Variants in DNAAF1 observed in about 807,000 individuals in gnomAD.
DNAAF1 encodes the protein dynein axonemal assembly factor 1, also known as dynein assembly factor 1, axonemal.
DNAAF1 carries 65 observed loss-of-function variants against 71.1 expected under a neutral mutation model. That is an observed-to-expected ratio of 0.91 (90% CI 0.75 to 1.12). DNAAF1 has a LOEUF of 1.12. Ranked by LOEUF, DNAAF1 falls within the 50% of genes most tolerant of loss-of-function variation. The pLI is 0.00. For missense variants in DNAAF1, 1,178 were observed against 899.8 expected (o/e 1.31, Z -3.96); for synonymous variants, 414 against 354.6 (o/e 1.17, Z -1.88).
intron 4 of DNAAF1, among the ~76,000 whole-genome samples, chr16:84,155,090 A>C (rs2087355426): frequency 6.6e-6 from 1 of 152,050 alleles, no homozygotes; most frequent in Non-Finnish European, 1.5e-5. Context: ...TTGTATTTTT[A>C]GTAGAGACGG....
intron 10 of DNAAF1, 186 bp downstream of exon 10, chr16:84,174,908 T>G: frequency 1.4e-6 from 1 of 707,568 alleles, no homozygotes; most frequent in Non-Finnish European, 2.4e-6. Context: ...CAGGCTGCAG[T>G]GCAATAGTGT....
At chr16:84,174,628 G>A (rs754260073) in intron 9 of DNAAF1, 41 bp from the exon 10 acceptor site, 5 of 1,614,032 alleles carry the variant, frequency 3.1e-6, no homozygotes, top group Admixed American at 3.3e-5. Context: ...TTGACAGTGC[G>A]TGTACCTCCC....
At chr16:84,176,581 G>A in intron 11 of DNAAF1, 1 of 528,560 alleles carries the variant, frequency 1.9e-6, no homozygotes, top group Non-Finnish European at 3.4e-6. Context: ...CTGTGGTCAT[G>A]CAGATCTCCT....
At position 84,151,814 on chromosome 16, in the gene DNAAF1, T is replaced by C. The variant is rs113347464; in HGVS notation, c.352+1472T>C. Among the ~76,000 whole-genome samples the C allele has an allele frequency of 7.5e-3, 1,135 of 152,294 alleles. 19 individuals carry two copies. The highest frequency in any genetic ancestry group is 0.026 in the African/African-American group (1,078 of 41,562). On this transcript the variant is annotated intron_variant, in intron 3 of 11. Transcript: ENST00000378553. ...CCAGGCTCTAGGCCTCAGACCCTCA[T>C]AGCTGTCAGCCAGAGGCCTTAATTT... is the stretch of plus-strand genomic sequence containing the variant.
Position 84,174,515 on chromosome 16 carries a change from C to T in DNAAF1, c.1645-154C>T, listed in dbSNP as rs184127602. On this transcript the variant is annotated intron_variant, in intron 9 of 11. Coordinates refer to ENST00000378553, the MANE Select transcript of DNAAF1 (RefSeq NM_178452.6). ...GCTTGCTTTGTGTGTATCTAGAGTT[C>T]CTTTTGGTGGGGAACAGGCAGGCGA... The T allele has an allele frequency of 2.9e-4, 440 of 1,538,924 alleles. 5 individuals carry two copies. The African/African-American group carries it at 5.4e-3, about 19-fold the overall frequency.
At chr16:84,160,220 A>C (rs923000891) in intron 6 of DNAAF1, among the ~76,000 whole-genome samples, 6 of 152,180 alleles carry the variant, frequency 3.9e-5, no homozygotes, top group African/African-American at 1.4e-4. Flanking sequence ...ATCGTACCCC[A>C]TTGTTTTAAA....
chr16:84,172,502 T>C (rs2088417385), intron 9 of DNAAF1, 127 bp downstream of exon 9: 1 of 1,514,036 alleles, frequency 6.6e-7, no homozygotes, highest in East Asian at 2.5e-5. Flanking sequence ...GCCTGGCATT[T>C]CTGGGGCGCT....
In DNAAF1 at chr16:84,176,010, C is replaced by G. The variant is rs1467193511; in HGVS notation, c.1776C>G (p.Leu592=). ...DSDPELDYTS[L]PVLENLPTDT... ...ACCCTGAACTGGACTACACGTCACT[C>G]CCTGTGCTGGAAAACCTCCCCACAG... is the stretch of plus-strand genomic sequence containing the variant. Residue 592 remains leucine, a synonymous_variant, in exon 11 of 12, where the codon CTC becomes CTG. Coordinates refer to ENST00000378553, the MANE Select transcript of DNAAF1 (RefSeq NM_178452.6). 13 of 1,614,052 alleles carry G rather than the reference C, an allele frequency of 8.1e-6. No homozygotes were observed. The highest frequency in any genetic ancestry group is 1.1e-5 in the Non-Finnish European group (13 of 1,180,024).
chr16:84,164,150 C>T (rs1462625838), intron 6 of DNAAF1, among the ~76,000 whole-genome samples: 3 of 152,158 alleles, frequency 2.0e-5, no homozygotes, highest in East Asian at 3.8e-4. Context: ...AAAAATTGAG[C>T]AGAAAGTAGA....
chr16:84,145,615 G>C, intron 1 of DNAAF1, 51 bp downstream of exon 1: 6 of 1,535,418 alleles, frequency 3.9e-6, no homozygotes, highest in Non-Finnish European at 5.3e-6. Flanking sequence ...GACACGGCTA[G>C]GCGCTCCAGC....
chr16:84,156,851 C>CTTTTTTTTTTTTTTTTTTTTTTTT (rs778916785), intron 5 of DNAAF1, among the ~76,000 whole-genome samples: 1 of 111,808 alleles, frequency 8.9e-6, no homozygotes, highest in African/African-American at 3.6e-5. Context: ...TTCTTTCTTT[C>CTTTTTTTTTTTTTTTTTTTTTTTT]TTTTTTTTTT....
intron 3 of DNAAF1, among the ~76,000 whole-genome samples, chr16:84,153,863 C>T (rs1264105436): frequency 6.6e-6 from 1 of 152,162 alleles, no homozygotes; most frequent in African/African-American, 2.4e-5. Context: ...ACTGCACCCC[C>T]ACCTCCACCC....
In DNAAF1 at chr16:84,150,305, C is replaced by G. The variant is rs144962513; in HGVS notation, c.315C>G (p.Thr105=). 8.7e-6 allele frequency: 14 copies of G among 1,613,792 alleles called. No homozygotes were observed. The African/African-American group carries it at 1.9e-4, about 22-fold the overall frequency. The change falls in exon 3 of 12, where the codon ACC becomes ACG. Residue 105 remains threonine (T), a synonymous_variant. Coordinates refer to ENST00000378553, the MANE Select transcript of DNAAF1 (RefSeq NM_178452.6). ...KLCKQHKLYI[T]PALNDTLYLH... ...GCAAGCAGCACAAGCTTTATATTAC[C>G]CCAGCATTGAATGATACGCTGTATT...
chr16:84,176,382 C>T, intron 11 of DNAAF1, 83 bp downstream of exon 11: 5 of 1,596,942 alleles, frequency 3.1e-6, no homozygotes, highest in Non-Finnish European at 3.4e-6. Context: ...GTCACTCAGC[C>T]TTACCCTGAG....
intron 8 of DNAAF1, among the ~76,000 whole-genome samples, chr16:84,171,623 C>T (rs1053030376): frequency 3.3e-5 from 5 of 152,274 alleles, no homozygotes; most frequent in African/African-American, 1.2e-4. Flanking sequence ...TGGCGGTGGG[C>T]TGTGAAGCCT....
intron 1 of DNAAF1, 22 bp downstream of exon 1, chr16:84,145,586 G>C (rs1230583613): frequency 1.3e-6 from 2 of 1,542,666 alleles, no homozygotes; most frequent in East Asian, 2.4e-5. Flanking sequence ...CCCCCAGGGA[G>C]GGCGGTGGGC....
intron 11 of DNAAF1, 190 bp downstream of exon 11, chr16:84,176,489 T>C: frequency 1.1e-6 from 1 of 915,812 alleles, no homozygotes; most frequent in Non-Finnish European, 1.7e-6. Flanking sequence ...CACTTGCTGG[T>C]AGCCAGCCTG....
chr16:84,154,553 TC>T lies in DNAAF1; in HGVS notation c.353-21del, dbSNP rs752828573. On this transcript the variant is annotated intron_variant, in intron 3 of 11. Coordinates refer to ENST00000378553, the MANE Select transcript of DNAAF1 (RefSeq NM_178452.6). ...TCTGCCCTGGGAGTAGGAGCTTAAT[TC>T]CCACGTGCTTCCTTTTTGTTAGGTT... The T allele has an allele frequency of 1.9e-6, 3 of 1,610,540 alleles. No individual in the cohort carries two copies. The South Asian group carries it at 3.3e-5, about 18-fold the overall frequency.
At chr16:84,176,497 C>A in intron 11 of DNAAF1, 198 bp downstream of exon 11, 1 of 844,250 alleles carries the variant, frequency 1.2e-6, no homozygotes, top group Non-Finnish European at 1.8e-6. Flanking sequence ...GGTAGCCAGC[C>A]TGGGCCAGGA....
Sources: allele counts gnomAD v4.1 joint callset (sites outside exome capture counted in the v4.1 genomes callset), GRCh38; gene constraint gnomAD v4.1.1; transcripts MANE v1.5; gene names NCBI Gene and HGNC (gene_info 2026-07-23, HGNC 2026-07-21).